The following ALG14 variants were observed in gnomAD, a reference collection of about 807,000 sequenced individuals.
ALG14 encodes the protein ALG14 UDP-N-acetylglucosaminyltransferase subunit.
A neutral mutation model predicts 22.8 loss-of-function variants in ALG14; 17 were observed. The ratio of observed to expected loss-of-function variants is 0.75; its 90% CI spans 0.51 to 1.12. The LOEUF (loss-of-function observed/expected upper bound fraction) is 1.12, where lower values mean the gene tolerates loss of function less well. Ranked by LOEUF, ALG14 falls within the 50% of genes most tolerant of loss-of-function variation. The pLI is 0.00. For synonymous variants in ALG14, 89 were observed against 103.7 expected, an observed-to-expected ratio of 0.86 and a Z score of 0.86; for missense variants, 288 against 271.8, an observed-to-expected ratio of 1.06 and a Z score of -0.42.
At chr1:95,043,429 A>G (rs1371256989) in intron 2 of ALG14, among the ~76,000 whole-genome samples, 2 of 152,164 alleles carry the variant, frequency 1.3e-5, no homozygotes, top group East Asian at 3.9e-4. Flanking sequence ...TTCCCCTACA[A>G]TGAAGATTTG....
chr1:94,985,343 C>A (rs911114156), intron 3 of ALG14, among the ~76,000 whole-genome samples: 3 of 152,186 alleles, frequency 2.0e-5, no homozygotes, highest in Non-Finnish European at 4.4e-5. Flanking sequence ...CTGTCTTGTG[C>A]ATCTTACTTA....
chr1:94,995,283 G>C (rs1401836535), intron 3 of ALG14, among the ~76,000 whole-genome samples: 2 of 152,214 alleles, frequency 1.3e-5, no homozygotes, highest in Non-Finnish European at 2.9e-5. Flanking sequence ...GTGTGTTTAT[G>C]TGTGAGAGAG....
At position 95,007,953 on chromosome 1, in the gene ALG14, T is replaced by A. The variant is rs1253955519; in HGVS notation, c.420+19176A>T. On this transcript the variant is annotated intron_variant, in intron 3 of 3. Transcript: ENST00000370205. ...CATATTTGTCTGTTTTGTTAGCTGA[T>A]GTATCCCTCACCCTTAGAATAGTGC... Among the ~76,000 whole-genome samples the A allele has an allele frequency of 2.0e-5, 3 of 152,238 alleles. No homozygotes were observed. In the East Asian group the frequency reaches 5.8e-4, roughly 29 times the overall value.
chr1:94,983,588 C>T, intron 3 of ALG14: 1 of 405,336 alleles, frequency 2.5e-6, no homozygotes, highest in Non-Finnish European at 4.5e-6. Context: ...TCAGTCAGCA[C>T]TCATCGGACA....
chr1:94,983,459 G>A (rs749902411), intron 3 of ALG14, 153 bp from the exon 4 acceptor site: 62 of 667,504 alleles, frequency 9.3e-5, no homozygotes, highest in Non-Finnish European at 1.3e-4. Context: ...AACAGCGCAT[G>A]TTTAAGCCCA....
rs983656197 is a variant in ALG14, at chr1:94,981,896, T to G, written c.*1180A>C. ...ATAAGTTCATTGTTTAAAAAAATAT[T>G]CAGAAGTTCAAGAGAGTCACAGCAG... On this transcript the variant is annotated 3_prime_UTR_variant, in exon 4 of 4. Coordinates refer to ENST00000370205, the MANE Select transcript of ALG14 (RefSeq NM_144988.4). 6.6e-6 allele frequency: 1 copy of G among 151,990 alleles called. No homozygotes were observed. Among genetic ancestry groups the G allele is most frequent in the African/African-American group, 2.4e-5 (1 of 41,362 alleles). The allele number at this position is 151,990 out of a possible 1,614,324, so 9.4% of individuals were successfully genotyped here. A position where few individuals can be genotyped will look rare whatever the true frequency, so the allele number is the denominator to read the frequency against.
intron 1 of ALG14, among the ~76,000 whole-genome samples, 155 bp downstream of exon 1, chr1:95,072,608 G>A (rs545467904): frequency 1.3e-5 from 2 of 152,182 alleles, no homozygotes; most frequent in Non-Finnish European, 2.9e-5. Context: ...CCCCTACCCT[G>A]GCTGGACTGC....
At chr1:94,994,783 A>C (rs1178387762) in intron 3 of ALG14, among the ~76,000 whole-genome samples, 1 of 152,250 alleles carries the variant, frequency 6.6e-6, no homozygotes, top group Non-Finnish European at 1.5e-5. Flanking sequence ...AGGTTATGAC[A>C]CAGGGAATTT....
chr1:95,070,753 T>C (rs958962223), intron 1 of ALG14, among the ~76,000 whole-genome samples: 1 of 152,210 alleles, frequency 6.6e-6, no homozygotes, highest in African/African-American at 2.4e-5. Flanking sequence ...TATTTCATTT[T>C]GAGACAGGGT....
In ALG14 at chr1:94,983,226, C is replaced by G; in HGVS notation, c.501G>C (p.Val167=). ...LLLGILGIKK[V]IIVYVESICR... ...AGATGCTTTCAACGTAGACAATGAT[C>G]ACTTTCTTTATTCCTAGTATCCCAA... Residue 167 remains valine, a synonymous_variant, in exon 4 of 4, where the codon GTG becomes GTC. Transcript: ENST00000370205. 9 of 1,614,138 alleles carry G rather than the reference C, an allele frequency of 5.6e-6. No individual in the cohort carries two copies. The highest frequency in any genetic ancestry group is 7.6e-6 in the Non-Finnish European group (9 of 1,180,026).
intron 2 of ALG14, among the ~76,000 whole-genome samples, chr1:95,044,113 C>T (rs1227627553): frequency 6.6e-6 from 1 of 152,150 alleles, no homozygotes; most frequent in Non-Finnish European, 1.5e-5. Context: ...TGTTTGATTC[C>T]TCTGTTTTCT....
intron 2 of ALG14, among the ~76,000 whole-genome samples, chr1:95,051,108 A>G (rs564810353): frequency 2.6e-5 from 4 of 152,212 alleles, no homozygotes; most frequent in African/African-American, 7.2e-5. Flanking sequence ...AATCTATATT[A>G]TAGACCAGAC....
intron 2 of ALG14, among the ~76,000 whole-genome samples, chr1:95,049,079 C>A (rs1194968407): frequency 6.6e-6 from 1 of 152,068 alleles, no homozygotes; most frequent in Non-Finnish European, 1.5e-5. Context: ...TGCAGGCCAC[C>A]TCTAACATTC....
At chr1:95,037,015 C>T (rs1674222462) in intron 2 of ALG14, among the ~76,000 whole-genome samples, 1 of 152,194 alleles carries the variant, frequency 6.6e-6, no homozygotes, top group Non-Finnish European at 1.5e-5. Flanking sequence ...CACTTTACCT[C>T]CAGAAGCTTC....
rs747390661 is a variant in ALG14, at chr1:95,030,749, G to A, written c.289-3489C>T. On this transcript the variant is annotated intron_variant, in intron 2 of 3. Coordinates refer to ENST00000370205, the MANE Select transcript of ALG14 (RefSeq NM_144988.4). ...CTATGCAAGAGCGTCTGGGGCTGGA[G>A]ATAGCTTTCCTAGACCTGGACGTGG... Among the ~76,000 whole-genome samples, 31 of 152,152 alleles carry A rather than the reference G, an allele frequency of 2.0e-4. 1 individual carries two copies. The highest frequency in any genetic ancestry group is 4.4e-4 in the Non-Finnish European group (30 of 68,022).
intron 2 of ALG14, among the ~76,000 whole-genome samples, chr1:95,047,044 C>G (rs949115791): frequency 2.1e-5 from 3 of 146,022 alleles, no homozygotes; most frequent in Non-Finnish European, 4.6e-5. Flanking sequence ...AACGACATGC[C>G]TGTATGAACC....
Position 94,976,037 on chromosome 1 carries a change from A to AAG in ALG14, c.*7038_*7039insCT, listed in dbSNP as rs1553222766. ...GTCTCAAAAAAAAAAAAAAAAAAAA[A>AAG]AAAGAAAGAAGAGCCTCCTTAACAC... On this transcript the variant is annotated 3_prime_UTR_variant, in exon 4 of 4. Coordinates refer to ENST00000370205, the MANE Select transcript of ALG14 (RefSeq NM_144988.4). 1.3e-5 allele frequency: 2 copies of AAG among 151,526 alleles called. No individual in the cohort carries two copies. The highest frequency in any genetic ancestry group is 3.9e-4 in the East Asian group (2 of 5,170). 9.4% of individuals were successfully genotyped at this position (151,526 alleles called of 1,614,324 possible). A position where few individuals can be genotyped will look rare whatever the true frequency, so the allele number is the denominator to read the frequency against.
At chr1:95,016,407 AATT>A (rs1217789802) in intron 3 of ALG14, among the ~76,000 whole-genome samples, 3 of 152,188 alleles carry the variant, frequency 2.0e-5, no homozygotes, top group Non-Finnish European at 4.4e-5. Flanking sequence ...GTAAGTTTGT[AATT>A]CTAAGTGTAC....
At chr1:95,068,152 T>G (rs1675439003) in intron 1 of ALG14, among the ~76,000 whole-genome samples, 1 of 152,340 alleles carries the variant, frequency 6.6e-6, no homozygotes, top group South Asian at 2.1e-4. Flanking sequence ...GTTACTGCTG[T>G]ACCTCCTATT....
Sources: gnomAD v4.1 joint callset for allele counts (sites outside exome capture counted in the v4.1 genomes callset) on GRCh38, gnomAD v4.1.1 for gene constraint, MANE v1.5 for transcripts, NCBI Gene and HGNC (gene_info 2026-07-23, HGNC 2026-07-21) for gene names.